The following GRIK2 variants were observed in gnomAD, a reference collection of about 807,000 sequenced individuals.
GRIK2 encodes glutamate receptor ionotropic, kainate 2.
GRIK2 carries 32 observed loss-of-function variants against 100.3 expected under a neutral mutation model. The ratio of observed to expected loss-of-function variants is 0.32; its 90% confidence interval spans 0.24 to 0.43. The LOEUF (loss-of-function observed/expected upper bound fraction) is 0.43. Among genes scored for constraint, GRIK2 ranks in the 20% least tolerant of loss-of-function variants. The pLI, the probability that GRIK2 is intolerant of heterozygous loss-of-function variation, is 1.00. For missense variants in GRIK2, 843 were observed against 1,114.9 expected, an observed-to-expected ratio of 0.76 and a Z score of 3.47; for synonymous variants, 417 against 389.4, an observed-to-expected ratio of 1.07 and a Z score of -0.83.
intron 10 of GRIK2, among the ~76,000 whole-genome samples, chr6:101,858,861 C>A (rs1759499209): frequency 6.6e-6 from 1 of 151,344 alleles, no homozygotes; most frequent in African/African-American, 2.4e-5. Context: ...TTAATTTTAT[C>A]CATAGATCCC....
chr6:101,422,946 A>G (rs1776486875), intron 2 of GRIK2, among the ~76,000 whole-genome samples: 1 of 152,130 alleles, frequency 6.6e-6, no homozygotes, highest in African/African-American at 2.4e-5. Context: ...ATTCATCTGA[A>G]CTTTCATGTT....
intron 4 of GRIK2, among the ~76,000 whole-genome samples, chr6:101,674,274 C>T (rs1669805760): frequency 6.6e-6 from 1 of 152,152 alleles, no homozygotes; most frequent in Admixed American, 6.5e-5. Context: ...AATATGCATG[C>T]ATGAGTTCTA....
chr6:101,784,839 TA>T (rs1221024886), intron 7 of GRIK2, among the ~76,000 whole-genome samples: 1 of 152,202 alleles, frequency 6.6e-6, no homozygotes, highest in African/African-American at 2.4e-5. Flanking sequence ...CTGATTCAAT[TA>T]AACCTCTTTT....
rs558252443 is a variant in GRIK2 at position 101,440,102 on chromosome 6, A to G, written c.115+40710A>G. On this transcript the variant is annotated intron_variant, in intron 2 of 16. Transcript: ENST00000369134. Reference sequence around the variant, plus strand: ...ACATAACACAATTTCCAAGAAATATATGTAAGATCATAATATGCAGTTGTA... The same window carrying G: ...ACATAACACAATTTCCAAGAAATATGTGTAAGATCATAATATGCAGTTGTA... Among the ~76,000 whole-genome samples, 5 of 152,292 alleles carry G rather than the reference A, an allele frequency of 3.3e-5. No individual in the cohort carries two copies. The South Asian group carries it at 1.0e-3, about 32-fold the overall frequency.
intron 2 of GRIK2, among the ~76,000 whole-genome samples, chr6:101,566,138 G>T (rs867760906): frequency 6.6e-6 from 1 of 151,590 alleles, no homozygotes; most frequent in Non-Finnish European, 1.5e-5. Flanking sequence ...TGACAGAGGT[G>T]AAAGAAAGTC....
intron 2 of GRIK2, among the ~76,000 whole-genome samples, chr6:101,499,634 T>G (rs2518243): frequency 0.34 from 51,562 of 151,976 alleles, 8,993 homozygotes; most frequent in Middle Eastern, 0.46. Context: ...ATAGTTAACA[T>G]TTAACTTTTT....
intron 2 of GRIK2, among the ~76,000 whole-genome samples, chr6:101,604,428 T>A (rs1362236063): frequency 6.6e-6 from 1 of 151,844 alleles, no homozygotes; most frequent in Admixed American, 6.6e-5. Flanking sequence ...GGAGCCTAAT[T>A]TAATACACAT....
chr6:102,064,958 C>T (rs900719387), intron 16 of GRIK2, among the ~76,000 whole-genome samples: 4 of 151,180 alleles, frequency 2.6e-5, no homozygotes, highest in African/African-American at 4.8e-5. Context: ...AGAAAAGAAC[C>T]TATCGTCTCA....
intron 2 of GRIK2, among the ~76,000 whole-genome samples, chr6:101,523,324 G>C (rs1208803059): frequency 1.3e-5 from 2 of 152,114 alleles, no homozygotes; most frequent in African/African-American, 4.8e-5. Context: ...GAGGAAAAAT[G>C]GGAGAAGACA....
At chr6:101,526,624 G>A (rs893477456) in intron 2 of GRIK2, among the ~76,000 whole-genome samples, 2 of 152,144 alleles carry the variant, frequency 1.3e-5, no homozygotes, top group African/African-American at 2.4e-5. Flanking sequence ...AATGGGTGAT[G>A]CTATAAGGAA....
chr6:101,565,976 GA>G (rs1287130046), intron 2 of GRIK2, among the ~76,000 whole-genome samples: 20 of 136,832 alleles, frequency 1.5e-4, no homozygotes, highest in Admixed American at 3.0e-4. Flanking sequence ...CTAGAGAAAA[GA>G]AACTGTTATT....
intron 11 of GRIK2, among the ~76,000 whole-genome samples, chr6:101,885,797 A>T (rs910949998): frequency 2.0e-5 from 3 of 152,104 alleles, no homozygotes; most frequent in African/African-American, 7.2e-5. Flanking sequence ...AATTGTGCAG[A>T]AAGTAGACTT....
At position 101,996,803 on chromosome 6, in the gene GRIK2, T is replaced by C. The variant is rs191138141; in HGVS notation, c.2086-38538T>C. Among the ~76,000 whole-genome samples, 52 of 152,228 alleles carry C rather than the reference T, an allele frequency of 3.4e-4. 1 individual carries two copies. Among genetic ancestry groups the C allele is most frequent in the African/African-American group, 1.2e-3 (48 of 41,586 alleles). On this transcript the variant is annotated intron_variant, in intron 14 of 16. Transcript: ENST00000369134. ...CCAAGGCTTGGCCGTGGGTTTGTTA[T>C]ATTGAATCACTACTTAGAAACTTAG...
chr6:101,622,385 CTATTTT>C lies in GRIK2; in HGVS notation c.283+272_283+277del, dbSNP rs568966242. Reference sequence around the variant, plus strand: ...CTTCCATCTTATTATAGAAGCATTCCTATTTTTAAGAACCCACAAATATAAAATTTA... The same window carrying C: ...CTTCCATCTTATTATAGAAGCATTCCTAAGAACCCACAAATATAAAATTTA... On this transcript the variant is annotated intron_variant, in intron 3 of 16. Transcript: ENST00000369134. Among the ~76,000 whole-genome samples, 185 of 152,020 alleles carry C rather than the reference CTATTTT, an allele frequency of 1.2e-3. 1 individual carries two copies. The highest frequency in any genetic ancestry group is 2.3e-3 in the Non-Finnish European group (154 of 67,918).
intron 12 of GRIK2, among the ~76,000 whole-genome samples, chr6:101,914,216 G>T (rs987979365): frequency 6.6e-6 from 1 of 151,384 alleles, no homozygotes; most frequent in African/African-American, 2.4e-5. Flanking sequence ...AAAGATAGAT[G>T]ATTTTAAGAA....
intron 2 of GRIK2, among the ~76,000 whole-genome samples, chr6:101,578,102 C>T (rs1356715161): frequency 6.6e-6 from 1 of 152,164 alleles, no homozygotes; most frequent in Non-Finnish European, 1.5e-5. Context: ...AACATCTGTA[C>T]CCTAGAAGCC....
At chr6:101,601,258 C>A (rs1779199604) in intron 2 of GRIK2, among the ~76,000 whole-genome samples, 1 of 151,498 alleles carries the variant, frequency 6.6e-6, no homozygotes, top group Admixed American at 6.6e-5. Flanking sequence ...ATATGTTGAA[C>A]CAACCTTGTA....
intron 2 of GRIK2, among the ~76,000 whole-genome samples, chr6:101,598,742 A>C (rs912656612): frequency 6.6e-6 from 1 of 151,540 alleles, no homozygotes; most frequent in Admixed American, 6.6e-5. Context: ...TTAAAGTAAA[A>C]TTATTTCTTC....
At chr6:101,441,686 C>T (rs1160220221) in intron 2 of GRIK2, among the ~76,000 whole-genome samples, 2 of 151,962 alleles carry the variant, frequency 1.3e-5, no homozygotes, top group South Asian at 2.1e-4. Flanking sequence ...GGGTTTGTTA[C>T]ATGAGTAAAC....
Sources: allele counts gnomAD v4.1 joint callset (sites outside exome capture counted in the v4.1 genomes callset), GRCh38; gene constraint gnomAD v4.1.1; transcripts MANE v1.5; gene names NCBI Gene and HGNC (gene_info 2026-07-23, HGNC 2026-07-21).